Variants in ZMYM2 observed in about 807,000 individuals in gnomAD.
ZMYM2 encodes the protein zinc finger MYM-type containing 2, also known as zinc finger MYM-type protein 2.
In ZMYM2, 56 loss-of-function variants were observed where a neutral mutation model predicts 162.8. The observed-to-expected ratio is 0.34, with a 90% confidence interval of 0.28 to 0.43. The LOEUF (loss-of-function observed/expected upper bound fraction) is 0.43, where lower values mean the gene tolerates loss of function less well. Ranked by LOEUF, ZMYM2 falls within the 20% of genes least tolerant of loss-of-function variation. The pLI is 1.00. For synonymous variants in ZMYM2, 510 were observed against 541.6 expected (o/e 0.94, Z 0.81); for missense variants, 1,275 against 1,621.8 (o/e 0.79, Z 3.67).
chr13:19,903,504 A>G, the ZMYM2 span, among the ~76,000 whole-genome samples: 4 of 130,784 alleles, frequency 3.1e-5, no homozygotes, highest in East Asian at 2.3e-4. Context: ...AAAAAAAAAA[A>G]GAAAATTTAA....
rs182071871 is a variant in ZMYM2, at chr13:20,049,517, T to C, written c.2293-1916T>C. On this transcript the variant is annotated intron_variant, in intron 12 of 24. Transcript: ENST00000610343. ...CAGATTTCTGTTTTAAATGTTAAATTGAGAATCTTCTTGTAGCATTTTATT... is the reference window on the plus strand; with the variant it reads ...CAGATTTCTGTTTTAAATGTTAAATCGAGAATCTTCTTGTAGCATTTTATT... Among the ~76,000 whole-genome samples, 15 of 152,184 alleles carry C rather than the reference T, an allele frequency of 9.9e-5. No homozygotes were observed. In the East Asian group the frequency reaches 2.7e-3, roughly 27 times the overall value.
At chr13:20,035,427 T>G (rs1024699738) in intron 11 of ZMYM2, among the ~76,000 whole-genome samples, 5 of 152,216 alleles carry the variant, frequency 3.3e-5, no homozygotes, top group Non-Finnish European at 7.4e-5. Context: ...CGCTGTTATT[T>G]AAGAGTAAAG....
At chr13:19,936,816 T>A in the ZMYM2 span, among the ~76,000 whole-genome samples, 2 of 152,154 alleles carry the variant, frequency 1.3e-5, no homozygotes, top group African/African-American at 4.8e-5. Context: ...GTTTCTTTCC[T>A]ATTAACTACT....
intron 2 of ZMYM2, among the ~76,000 whole-genome samples, chr13:19,964,846 T>A (rs1018999794): frequency 6.6e-6 from 1 of 152,314 alleles, no homozygotes; most frequent in Admixed American, 6.5e-5. Flanking sequence ...TACAAGTTAA[T>A]GTTAAATTGT....
chr13:19,996,779 G>C (rs757874675), intron 3 of ZMYM2, among the ~76,000 whole-genome samples: 12 of 152,182 alleles, frequency 7.9e-5, no homozygotes, highest in Non-Finnish European at 1.5e-4. Context: ...TCAGCTACTT[G>C]GGAGGCTGAA....
upstream of ZMYM2, among the ~76,000 whole-genome samples, chr13:19,957,960 G>A (rs1194846439): frequency 6.6e-6 from 1 of 152,226 alleles, no homozygotes; most frequent in Non-Finnish European, 1.5e-5. Context: ...AGTCCAGTTG[G>A]GGCTTCCCGA....
the ZMYM2 span, among the ~76,000 whole-genome samples, chr13:19,926,249 C>T: frequency 6.6e-6 from 1 of 151,540 alleles, no homozygotes; most frequent in Non-Finnish European, 1.5e-5. Flanking sequence ...GCATGAGTCA[C>T]TGCGCCTGAC....
rs767242686 is a variant in ZMYM2 at position 19,963,749 on chromosome 13, AT to A, written c.-11+3731del. 1.1e-4 allele frequency among the ~76,000 whole-genome samples: 17 copies of A among 150,978 alleles called. No homozygotes were observed. In the South Asian group the frequency reaches 1.9e-3, roughly 17 times the overall value. Reference sequence around the variant, plus strand: ...TTTTGTGCATATTTAAGATATATTAATTTTTTTTGGATCAAGCTTTACACAA... The same window carrying A: ...TTTTGTGCATATTTAAGATATATTAATTTTTTTGGATCAAGCTTTACACAA... On this transcript the variant is annotated intron_variant, in intron 2 of 24. Transcript: ENST00000610343.
At chr13:20,085,180 CAT>C (rs1392778997) in intron 24 of ZMYM2, among the ~76,000 whole-genome samples, 4 of 152,160 alleles carry the variant, frequency 2.6e-5, no homozygotes, top group African/African-American at 9.7e-5. Context: ...GAACTCCTCA[CAT>C]GAGGTCAGGT....
chr13:19,987,799 A>G (rs1343675619), intron 2 of ZMYM2, among the ~76,000 whole-genome samples: 2 of 151,978 alleles, frequency 1.3e-5, no homozygotes, highest in Non-Finnish European at 2.9e-5. Context: ...GTATTTTAGT[A>G]GAGACAGGGT....
chr13:19,866,308 TTAA>T, the ZMYM2 span, among the ~76,000 whole-genome samples: 5 of 152,300 alleles, frequency 3.3e-5, no homozygotes, highest in African/African-American at 9.6e-5. Context: ...GGCACATTAA[TTAA>T]TAAAAGCTTG....
At chr13:19,983,554 C>G (rs980886757) in intron 2 of ZMYM2, among the ~76,000 whole-genome samples, 1 of 152,174 alleles carries the variant, frequency 6.6e-6, no homozygotes, top group Non-Finnish European at 1.5e-5. Flanking sequence ...TTATTCTTGA[C>G]TTTAATGATA....
rs372496139 is a variant in ZMYM2 at position 20,081,719 on chromosome 13, G to A, written c.3454-297G>A. Among the ~76,000 whole-genome samples, 209 of 151,904 alleles carry A rather than the reference G, an allele frequency of 1.4e-3. 1 individual carries two copies. Among genetic ancestry groups the A allele is most frequent in the African/African-American group, 4.7e-3 (193 of 41,492 alleles). On this transcript the variant is annotated intron_variant, in intron 21 of 24. Transcript: ENST00000610343. ...TCTTCATGCACTATATAATAAACAC[G>A]GGAGTCAAATATTCTTTTTTTTTTC...
chr13:19,971,624 A>C (rs1165575851), intron 2 of ZMYM2, among the ~76,000 whole-genome samples: 1 of 152,126 alleles, frequency 6.6e-6, no homozygotes, highest in Non-Finnish European at 1.5e-5. Context: ...AAGTAATATC[A>C]GTATTCCAGC....
intron 21 of ZMYM2, among the ~76,000 whole-genome samples, chr13:20,075,032 T>C (rs184211089): frequency 4.9e-4 from 75 of 152,354 alleles, no homozygotes; most frequent in African/African-American, 1.8e-3. Flanking sequence ...TTTCAAAGAC[T>C]GTGGTATTTA....
At position 19,970,483 on chromosome 13, in the gene ZMYM2, A is replaced by G. The variant is rs76126961; in HGVS notation, c.-11+10457A>G. Among the ~76,000 whole-genome samples, 60 of 151,964 alleles carry G rather than the reference A, an allele frequency of 3.9e-4. 1 individual carries two copies. The East Asian group carries it at 0.01, about 26-fold the overall frequency. On this transcript the variant is annotated intron_variant, in intron 2 of 24. Transcript: ENST00000610343. The stretch of plus-strand genomic sequence containing the variant: ...TTTCATCTTTTGAGGAAGTTATTCT[A>G]ATTTTCCATTTTTAACAGGGAAATG...
At chr13:19,945,647 C>T in the ZMYM2 span, among the ~76,000 whole-genome samples, 1 of 152,088 alleles carries the variant, frequency 6.6e-6, no homozygotes, top group Non-Finnish European at 1.5e-5. Flanking sequence ...TGAAGATTAG[C>T]TTCTACCTTT....
chr13:20,084,890 G>C (rs1403361164), intron 24 of ZMYM2, among the ~76,000 whole-genome samples: 1 of 152,154 alleles, frequency 6.6e-6, no homozygotes, highest in Non-Finnish European at 1.5e-5. Flanking sequence ...ATCATGTATA[G>C]GATGATATTA....
chr13:19,967,592 A>G (rs768780376), intron 2 of ZMYM2, among the ~76,000 whole-genome samples: 27 of 152,220 alleles, frequency 1.8e-4, no homozygotes, highest in Non-Finnish European at 3.5e-4. Flanking sequence ...ATTTTACTAC[A>G]CGTACATTAT....
Sources: allele counts gnomAD v4.1 joint callset (sites outside exome capture counted in the v4.1 genomes callset), GRCh38; gene constraint gnomAD v4.1.1; transcripts MANE v1.5; gene names NCBI Gene and HGNC (gene_info 2026-07-23, HGNC 2026-07-21).